Variants in CCSER1 observed in about 807,000 individuals in gnomAD.
The protein encoded by CCSER1 is coiled-coil serine rich protein 1.
Under a neutral mutation model 82.0 loss-of-function variants are expected in CCSER1, and 41 were observed. The ratio of observed to expected loss-of-function variants is 0.50; its 90% CI spans 0.39 to 0.65. CCSER1 has a LOEUF of 0.65. CCSER1 is among the 30% of genes least tolerant of loss of function. CCSER1 has a pLI of 0.00. For missense variants in CCSER1, 1,119 were observed against 1,064.2 expected (o/e 1.05, Z -0.72); for synonymous variants, 414 against 383.9 (o/e 1.08, Z -0.92).
At chr4:90,711,332 T>G (rs746266669) in intron 6 of CCSER1, among the ~76,000 whole-genome samples, 10 of 152,262 alleles carry the variant, frequency 6.6e-5, no homozygotes, top group Middle Eastern at 3.4e-3. Context: ...ATCTTTCTCT[T>G]GCCTGATTGT....
intron 10 of CCSER1, among the ~76,000 whole-genome samples, chr4:91,285,680 T>C (rs191087291): frequency 6.6e-6 from 1 of 152,008 alleles, no homozygotes; most frequent in East Asian, 1.9e-4. Flanking sequence ...CTAAATATGC[T>C]GACTTGGCAC....
chr4:90,442,975 GT>G (rs1333846160), intron 4 of CCSER1, among the ~76,000 whole-genome samples: 1 of 152,104 alleles, frequency 6.6e-6, no homozygotes, highest in Admixed American at 6.6e-5. Context: ...GTGGATGTAA[GT>G]CCCCCAGTAG....
intron 9 of CCSER1, among the ~76,000 whole-genome samples, chr4:91,047,507 T>C (rs1742613743): frequency 6.6e-6 from 1 of 152,162 alleles, no homozygotes. Flanking sequence ...AAATTACCTA[T>C]TTTCCCTCCC....
chr4:90,808,798 A>C (rs563012239), intron 7 of CCSER1, among the ~76,000 whole-genome samples: 4 of 152,212 alleles, frequency 2.6e-5, no homozygotes, highest in African/African-American at 9.6e-5. Context: ...TGATGAGACT[A>C]TAAATTAGTA....
chr4:90,704,364 C>A (rs1738837200), intron 6 of CCSER1, among the ~76,000 whole-genome samples: 2 of 152,148 alleles, frequency 1.3e-5, no homozygotes, highest in South Asian at 4.1e-4. Flanking sequence ...GTTGGGCTTC[C>A]CTTTGTGGGT....
Position 90,685,394 on chromosome 4 carries a change from A to G in CCSER1, c.1933-38520A>G, listed in dbSNP as rs534348440. Among the ~76,000 whole-genome samples, 3 of 152,290 alleles carry G rather than the reference A, an allele frequency of 2.0e-5. No individual in the cohort carries two copies. The East Asian group carries it at 5.8e-4, about 29-fold the overall frequency. On this transcript the variant is annotated intron_variant, in intron 6 of 10. Transcript: ENST00000509176. ...TTCAGAATTATCCAATTCCTACAAA[A>G]TATACTAGAAAGCAAAAATTATTAC... is the stretch of plus-strand genomic sequence containing the variant.
At chr4:91,164,026 G>A (rs568530264) in intron 10 of CCSER1, among the ~76,000 whole-genome samples, 16 of 152,218 alleles carry the variant, frequency 1.1e-4, no homozygotes, top group African/African-American at 3.4e-4. Flanking sequence ...TCCAAGCATC[G>A]ATGGCCTTTA....
At chr4:90,266,464 C>T (rs1339595492) in intron 1 of CCSER1, among the ~76,000 whole-genome samples, 1 of 151,860 alleles carries the variant, frequency 6.6e-6, no homozygotes, top group Non-Finnish European at 1.5e-5. Context: ...TGGAAACCTC[C>T]ACTGACTTGT....
At chr4:91,439,466 G>A (rs913412399) in intron 10 of CCSER1, among the ~76,000 whole-genome samples, 6 of 151,870 alleles carry the variant, frequency 4.0e-5, no homozygotes, top group African/African-American at 1.5e-4. Context: ...TGCCCTAAAA[G>A]AGCTCCTGAA....
chr4:90,408,410 G>A (rs1754099750), intron 4 of CCSER1, among the ~76,000 whole-genome samples: 1 of 152,130 alleles, frequency 6.6e-6, no homozygotes, highest in South Asian at 2.1e-4. Flanking sequence ...CACCTCACAC[G>A]GCCGGATACT....
At chr4:90,648,330 A>AAAGAAAGAAAGG (rs1291583643) in intron 6 of CCSER1, among the ~76,000 whole-genome samples, 2 of 151,536 alleles carry the variant, frequency 1.3e-5, no homozygotes, top group African/African-American at 2.4e-5. Context: ...AGAAAGAAAG[A>AAAGAAAGAAAGG]AAGAAAGAAA....
intron 10 of CCSER1, among the ~76,000 whole-genome samples, chr4:91,551,673 A>T (rs1256561007): frequency 1.3e-5 from 2 of 149,080 alleles, no homozygotes; most frequent in East Asian, 4.0e-4. Flanking sequence ...ACACACACAC[A>T]CACACACACA....
chr4:90,476,819 T>G (rs1337228535), intron 5 of CCSER1, among the ~76,000 whole-genome samples: 1 of 152,182 alleles, frequency 6.6e-6, no homozygotes, highest in African/African-American at 2.4e-5. Context: ...GAAATCCTAT[T>G]GTAACGTTTG....
At chr4:90,899,645 G>A (rs1080414) in intron 8 of CCSER1, among the ~76,000 whole-genome samples, 38,598 of 151,702 alleles carry the variant, frequency 0.25, 5,542 homozygotes, top group Non-Finnish European at 0.33. Flanking sequence ...GATTGTTGAG[G>A]GTTTTTATCA....
intron 5 of CCSER1, among the ~76,000 whole-genome samples, chr4:90,565,212 A>G (rs972537185): frequency 1.3e-5 from 2 of 151,768 alleles, no homozygotes; most frequent in African/African-American, 4.8e-5. Context: ...AATATTTTAA[A>G]TTTTAAGTGT....
At chr4:90,844,095 G>C (rs1393093680) in intron 8 of CCSER1, among the ~76,000 whole-genome samples, 3 of 149,644 alleles carry the variant, frequency 2.0e-5, no homozygotes, top group Admixed American at 2.0e-4. Context: ...TCCTTCCTCT[G>C]TTTGTGTGTG....
At chr4:90,919,199 G>T (rs909700682) in intron 8 of CCSER1, among the ~76,000 whole-genome samples, 3 of 151,280 alleles carry the variant, frequency 2.0e-5, no homozygotes, top group Non-Finnish European at 2.9e-5. Context: ...TAGCTATGCA[G>T]CAAGTATAAA....
chr4:91,307,085 C>G (rs1346904039), intron 10 of CCSER1, among the ~76,000 whole-genome samples: 1 of 151,836 alleles, frequency 6.6e-6, no homozygotes, highest in Non-Finnish European at 1.5e-5. Context: ...TTAAGTATCA[C>G]AACAATCTAT....
intron 10 of CCSER1, among the ~76,000 whole-genome samples, chr4:91,196,760 C>T (rs1166968820): frequency 6.6e-6 from 1 of 152,184 alleles, no homozygotes; most frequent in Admixed American, 6.5e-5. Flanking sequence ...CATTTCCTTG[C>T]TATTCTAACC....
Sources: gnomAD v4.1 joint callset for allele counts (sites outside exome capture counted in the v4.1 genomes callset) on GRCh38, gnomAD v4.1.1 for gene constraint, MANE v1.5 for transcripts, NCBI Gene and HGNC (gene_info 2026-07-23, HGNC 2026-07-21) for gene names.